The following TMEM135 variants were observed in gnomAD, a reference collection of about 807,000 sequenced individuals.
The protein encoded by TMEM135 is peroxisomal membrane protein 52.
In TMEM135, 30 loss-of-function variants were observed where a neutral mutation model predicts 60.3. That is an observed-to-expected ratio of 0.50 (90% CI 0.37 to 0.68). The LOEUF is 0.68. Among genes scored for constraint, TMEM135 ranks in the 30% least tolerant of loss-of-function variants. The pLI is 0.00. For missense variants in TMEM135, 468 were observed against 548.8 expected, an observed-to-expected ratio of 0.85 and a Z score of 1.47; for synonymous variants, 190 against 186.7, an observed-to-expected ratio of 1.02 and a Z score of -0.14.
Position 87,325,809 on chromosome 11 carries a change from C to A in TMEM135, c.*4476C>A. 1 of 453,866 alleles carries A rather than the reference C, an allele frequency of 2.2e-6. No individual in the cohort carries two copies. Among genetic ancestry groups the A allele is most frequent in the South Asian group, 1.6e-5 (1 of 64,460 alleles). 28.1% of individuals were successfully genotyped at this position (453,866 alleles called of 1,614,324 possible). On this transcript the variant is annotated 3_prime_UTR_variant, in exon 15 of 15. Transcript: ENST00000305494. ...GTATGTGAAGCCTTTAAATCCAGAA[C>A]AATTAATTTCTTCTCTTCTTAAAAC... is the stretch of plus-strand genomic sequence containing the variant.
At chr11:87,059,460 C>T (rs372418951) in intron 1 of TMEM135, among the ~76,000 whole-genome samples, 9 of 151,992 alleles carry the variant, frequency 5.9e-5, no homozygotes, top group East Asian at 1.9e-4. Flanking sequence ...GGATTACAGG[C>T]GTGTGCTACC....
chr11:87,155,932 T>A (rs930131394), intron 4 of TMEM135, among the ~76,000 whole-genome samples: 1 of 152,196 alleles, frequency 6.6e-6, no homozygotes, highest in African/African-American at 2.4e-5. Context: ...AGAAATTCTA[T>A]CTATAGTAAC....
At position 87,245,997 on chromosome 11, in the gene TMEM135, G is replaced by A. The variant is rs1163871104; in HGVS notation, c.509+9313G>A. Among the ~76,000 whole-genome samples the A allele has an allele frequency of 5.6e-3, 806 of 144,156 alleles. 8 individuals are homozygous for A. Among genetic ancestry groups the A allele is most frequent in the African/African-American group, 0.02 (755 of 38,228 alleles). The allele number at this position is 144,156 out of a possible 152,430, so 94.6% of individuals were successfully genotyped here. ...TTTTGCAGCGGCTGGTACCGGTTGT[G>A]CCTTTCCATGTTTAGTGCTTCCTTC... On this transcript the variant is annotated intron_variant, in intron 6 of 14. Coordinates refer to ENST00000305494, the MANE Select transcript of TMEM135 (RefSeq NM_022918.4).
intron 10 of TMEM135, among the ~76,000 whole-genome samples, chr11:87,312,063 C>G (rs1417397683): frequency 1.3e-5 from 2 of 151,508 alleles, no homozygotes; most frequent in East Asian, 3.9e-4. Context: ...CATGTTTATA[C>G]TGTTTACATA....
At chr11:87,144,156 A>T (rs1039049626) in intron 4 of TMEM135, among the ~76,000 whole-genome samples, 2 of 152,164 alleles carry the variant, frequency 1.3e-5, no homozygotes, top group Non-Finnish European at 2.9e-5. Flanking sequence ...AAACTACAGA[A>T]ATTATTAGTA....
In TMEM135 at chr11:87,203,032, C is replaced by CAA. The variant is rs534909524; in HGVS notation, c.463-33581_463-33580dup. On this transcript the variant is annotated intron_variant, in intron 5 of 14. Coordinates refer to ENST00000305494, the MANE Select transcript of TMEM135 (RefSeq NM_022918.4). The stretch of plus-strand genomic sequence containing the variant: ...TGGGCGACAGAGTGAGACTCCGTCT[C>CAA]AAAAAAAAAAAAAAAAAAAAAAAAA... Among the ~76,000 whole-genome samples, 86 of 33,542 alleles carry CAA rather than the reference C, an allele frequency of 2.6e-3. 3 individuals are homozygous for CAA. Among genetic ancestry groups the CAA allele is most frequent in the Non-Finnish European group, 3.4e-3 (55 of 16,114 alleles). 22.0% of individuals were successfully genotyped at this position (33,542 alleles called of 152,430 possible). A position where few individuals can be genotyped will look rare whatever the true frequency, so the allele number is the denominator to read the frequency against.
In TMEM135 at chr11:87,236,804, C is replaced by T. The variant is rs146816925; in HGVS notation, c.509+120C>T. 511 of 916,894 alleles carry T rather than the reference C, an allele frequency of 5.6e-4. 1 individual carries two copies. The African/African-American group carries it at 7.1e-3, about 13-fold the overall frequency. 56.8% of individuals were successfully genotyped at this position (916,894 alleles called of 1,614,324 possible). A position where few individuals can be genotyped will look rare whatever the true frequency, so the allele number is the denominator to read the frequency against. Reference sequence around the variant, plus strand: ...TCCCTTACAAGCAGCATACTCCCCCCGCACCCCCGCCCAGAGTGGACAGAG... The same window carrying T: ...TCCCTTACAAGCAGCATACTCCCCCTGCACCCCCGCCCAGAGTGGACAGAG... On this transcript the variant is annotated intron_variant, in intron 6 of 14. Coordinates refer to ENST00000305494, the MANE Select transcript of TMEM135 (RefSeq NM_022918.4).
chr11:87,180,409 A>G (rs1001079767), intron 5 of TMEM135, among the ~76,000 whole-genome samples: 1 of 151,902 alleles, frequency 6.6e-6, no homozygotes, highest in Admixed American at 6.6e-5. Context: ...AAAGTATATG[A>G]GTGTGTGTGG....
intron 5 of TMEM135, among the ~76,000 whole-genome samples, chr11:87,219,382 C>T (rs1785897276): frequency 2.6e-5 from 4 of 151,938 alleles, no homozygotes; most frequent in African/African-American, 7.3e-5. Flanking sequence ...CTGGTGAGAC[C>T]TCTTTTTTTG....
intron 4 of TMEM135, among the ~76,000 whole-genome samples, chr11:87,145,739 G>A (rs151189170): frequency 6.6e-6 from 1 of 151,750 alleles, no homozygotes; most frequent in East Asian, 1.9e-4. Flanking sequence ...TTTGAGAAAT[G>A]TCTATTCAGG....
At chr11:87,255,579 A>T (rs565444419) in intron 6 of TMEM135, among the ~76,000 whole-genome samples, 1 of 152,258 alleles carries the variant, frequency 6.6e-6, no homozygotes, top group African/African-American at 2.4e-5. Context: ...TCAGGGCTGT[A>T]GTGCGCTACG....
At position 87,326,831 on chromosome 11, in the gene TMEM135, G is replaced by A; in HGVS notation, c.*5498G>A. ...GATAGCCTGTCACTGCTCAGGGATA[G>A]CACTAAGGCTCTCTTCAGAACCAAA... is the stretch of plus-strand genomic sequence containing the variant. On this transcript the variant is annotated 3_prime_UTR_variant, in exon 15 of 15. Coordinates refer to ENST00000305494, the MANE Select transcript of TMEM135 (RefSeq NM_022918.4). 1 of 450,376 alleles carries A rather than the reference G, an allele frequency of 2.2e-6. No individual in the cohort carries two copies. The highest frequency in any genetic ancestry group is 1.6e-5 in the South Asian group (1 of 63,470). The allele number at this position is 450,376 out of a possible 1,614,324, so 27.9% of individuals were successfully genotyped here.
At chr11:87,214,181 G>A (rs192216062) in intron 5 of TMEM135, among the ~76,000 whole-genome samples, 1 of 152,216 alleles carries the variant, frequency 6.6e-6, no homozygotes, top group East Asian at 1.9e-4. Flanking sequence ...ACAAAAGGAT[G>A]AGATCCCTGT....
chr11:87,073,763 G>A (rs915689153), intron 3 of TMEM135, among the ~76,000 whole-genome samples: 7 of 151,968 alleles, frequency 4.6e-5, no homozygotes, highest in Non-Finnish European at 1.0e-4. Context: ...TGCCTCCCAG[G>A]TTCAAGCGAT....
intron 6 of TMEM135, among the ~76,000 whole-genome samples, chr11:87,257,306 A>G (rs186068500): frequency 1.8e-4 from 28 of 152,304 alleles, no homozygotes; most frequent in African/African-American, 6.3e-4. Context: ...GGGCTATGCT[A>G]TAACTCACTG....
intron 5 of TMEM135, among the ~76,000 whole-genome samples, chr11:87,207,108 A>G (rs1018784358): frequency 6.6e-6 from 1 of 152,216 alleles, no homozygotes; most frequent in Non-Finnish European, 1.5e-5. Flanking sequence ...TGATTAGTAC[A>G]GAACAGAATG....
At chr11:87,286,616 G>A (rs775954635) in intron 6 of TMEM135, among the ~76,000 whole-genome samples, 1 of 152,194 alleles carries the variant, frequency 6.6e-6, no homozygotes, top group Non-Finnish European at 1.5e-5. Flanking sequence ...AGCACACCAC[G>A]GGGTGGGGGT....
At chr11:87,209,104 G>C (rs559649508) in intron 5 of TMEM135, among the ~76,000 whole-genome samples, 1 of 152,192 alleles carries the variant, frequency 6.6e-6, no homozygotes, top group South Asian at 2.1e-4. Flanking sequence ...ACATGTATAA[G>C]GACATAACCC....
chr11:87,226,114 A>G (rs976137869), intron 5 of TMEM135, among the ~76,000 whole-genome samples: 2 of 152,170 alleles, frequency 1.3e-5, no homozygotes, highest in African/African-American at 2.4e-5. Context: ...TGACCAATTA[A>G]TTGACCATAA....
Sources: gnomAD v4.1 joint callset for allele counts (sites outside exome capture counted in the v4.1 genomes callset) on GRCh38, gnomAD v4.1.1 for gene constraint, MANE v1.5 for transcripts, NCBI Gene and HGNC (gene_info 2026-07-23, HGNC 2026-07-21) for gene names.